The following PARP1 variants were observed in gnomAD, a reference collection of about 807,000 sequenced individuals.
PARP1 encodes poly(ADP-ribose) polymerase 1, also known as poly [ADP-ribose] polymerase 1.
PARP1 carries 44 observed loss-of-function variants against 118.7 expected under a neutral mutation model. The observed-to-expected ratio is 0.37, with a 90% confidence interval of 0.29 to 0.48. The LOEUF (loss-of-function observed/expected upper bound fraction) is 0.48, where lower values mean the gene tolerates loss of function less well. PARP1 is among the 20% of genes least tolerant of loss of function. PARP1 has a pLI of 0.99. For synonymous variants in PARP1, 492 were observed against 483.2 expected (o/e 1.02, Z -0.24); for missense variants, 1,100 against 1,272.4 (o/e 0.86, Z 2.06).
intron 12 of PARP1, 130 bp from the exon 13 acceptor site, chr1:226,377,433 C>G: frequency 1.4e-6 from 1 of 724,950 alleles, no homozygotes; most frequent in Non-Finnish European, 2.5e-6. Flanking sequence ...GTGATTAACA[C>G]AGAACAAACA....
intron 11 of PARP1, 88 bp downstream of exon 11, chr1:226,379,485 A>G (rs1401296473): frequency 5.0e-6 from 6 of 1,191,718 alleles, no homozygotes; most frequent in Admixed American, 3.5e-5. Flanking sequence ...TGCCCCAGGT[A>G]TGCTGCGGGC....
At position 226,361,444 on chromosome 1, in the gene PARP1, C is replaced by T. The variant is rs776434191; in HGVS notation, c.*16G>A. 28 of 1,581,076 alleles carry T rather than the reference C, an allele frequency of 1.8e-5. No individual in the cohort carries two copies. The highest frequency in any genetic ancestry group is 1.5e-4 in the Admixed American group (9 of 59,926). On this transcript the variant is annotated 3_prime_UTR_variant, in exon 23 of 23. Coordinates refer to ENST00000366794, the MANE Select transcript of PARP1 (RefSeq NM_001618.4). ...CATACCAGAGCCACCGGGTGTGACT[C>T]GGCTACCTCTCCCAATTACCACAGG...
At chr1:226,397,898 C>G (rs1479837141) in intron 2 of PARP1, among the ~76,000 whole-genome samples, 1 of 139,718 alleles carries the variant, frequency 7.2e-6, no homozygotes. Flanking sequence ...AAAGTAAAGG[C>G]AAAAATGGAG....
At chr1:226,370,159 C>T (rs1449918788) in intron 15 of PARP1, among the ~76,000 whole-genome samples, 1 of 152,100 alleles carries the variant, frequency 6.6e-6, no homozygotes, top group Non-Finnish European at 1.5e-5. Context: ...TCACTTTTAA[C>T]AGAGAGGGTA....
chr1:226,380,068 G>A lies in PARP1; in HGVS notation c.1397C>T (p.Thr466Ile), dbSNP rs1212085448. ...TAAGAACAACTCCTGAAGGCTCTTG[G>A]TGGAGGCGGAGACGTCCTGGAGGAA... is the stretch of plus-strand genomic sequence containing the variant. Reference protein sequence around the residue: ...EDFLQDVSASTKSLQELFLAH... With the variant: ...EDFLQDVSASIKSLQELFLAH... Residue 466 changes from threonine (T) to isoleucine (I), a missense_variant, in exon 10 of 23, where the codon ACC (threonine) becomes ATC (isoleucine). Physicochemically the swap from Thr to Ile is moderately conservative, Grantham distance 89. This residue lies in a region of PARP1 where 948 missense variants were observed against 1,031.8 expected (regional missense o/e 0.92). Transcript: ENST00000366794. The A allele has an allele frequency of 6.2e-7, 1 of 1,614,226 alleles. No individual in the cohort carries two copies. Among genetic ancestry groups the A allele is most frequent in the Admixed American group, 1.7e-5 (1 of 60,032 alleles).
At chr1:226,390,361 T>TTGAACCCCTCACTGAACCCC in intron 4 of PARP1, 49 bp downstream of exon 4, 1 of 1,548,792 alleles carries the variant, frequency 6.5e-7, no homozygotes. Flanking sequence ...TGGGCCTCCC[T>TTGAACCCCTCACTGAACCCC]TGAACCCCTC....
At chr1:226,387,254 A>G (rs1252163937) in intron 5 of PARP1, among the ~76,000 whole-genome samples, 1 of 152,176 alleles carries the variant, frequency 6.6e-6, no homozygotes, top group Non-Finnish European at 1.5e-5. Context: ...AAGTGCTGGG[A>G]TTACAGGTGC....
intron 14 of PARP1, among the ~76,000 whole-genome samples, chr1:226,373,357 T>C (rs1664427811): frequency 6.6e-6 from 1 of 152,242 alleles, no homozygotes; most frequent in South Asian, 2.1e-4. Flanking sequence ...TGCTTGTTTT[T>C]CAGAGCAGCC....
At chr1:226,371,000 G>C (rs1664372166) in intron 14 of PARP1, 1 of 201,186 alleles carries the variant, frequency 5.0e-6, no homozygotes, top group Admixed American at 5.2e-5. Flanking sequence ...ACACACTCCT[G>C]AACTTATGGA....
chr1:226,402,570 G>A (rs752454674), intron 1 of PARP1, among the ~76,000 whole-genome samples, 191 bp from the exon 2 acceptor site: 3 of 152,196 alleles, frequency 2.0e-5, no homozygotes, highest in Admixed American at 6.5e-5. Context: ...TCCTTCTCAC[G>A]ATCTTCCCCA....
intron 2 of PARP1, among the ~76,000 whole-genome samples, chr1:226,401,028 A>G: frequency 6.6e-6 from 1 of 152,288 alleles, no homozygotes; most frequent in South Asian, 2.1e-4. Flanking sequence ...CTCTCCTAAT[A>G]AAGCTTTTAA....
intron 13 of PARP1, among the ~76,000 whole-genome samples, chr1:226,375,566 GTAGGTGCAAAATATACACCAGA>G (rs1664472097): frequency 1.3e-5 from 2 of 152,156 alleles, no homozygotes; most frequent in Non-Finnish European, 2.9e-5. Flanking sequence ...GAGGTGTGCT[GTAGGTGCAAAATATACACCAGA>G]TTTCAAAGAC....
intron 22 of PARP1, 110 bp downstream of exon 22, chr1:226,361,859 C>T (rs1282913294): frequency 5.3e-6 from 4 of 748,250 alleles, no homozygotes; most frequent in East Asian, 2.7e-5. Context: ...GGACACACTA[C>T]AGGACAGCCT....
intron 13 of PARP1, 27 bp from the exon 14 acceptor site, chr1:226,374,381 A>C: frequency 6.2e-7 from 1 of 1,614,176 alleles, no homozygotes; most frequent in Non-Finnish European, 8.5e-7. Flanking sequence ...CATTGCTAAG[A>C]GACCCAAATC....
At chr1:226,366,142 A>C in intron 17 of PARP1, 90 bp from the exon 18 acceptor site, 1 of 847,376 alleles carries the variant, frequency 1.2e-6, no homozygotes, top group Non-Finnish European at 2.0e-6. Context: ...GCATAGCTCA[A>C]CACCACACTC....
At chr1:226,372,849 C>T (rs1664414192) in intron 14 of PARP1, among the ~76,000 whole-genome samples, 1 of 152,148 alleles carries the variant, frequency 6.6e-6, no homozygotes. Flanking sequence ...CCCCTCTTCT[C>T]CCTTACCGTA....
chr1:226,401,276 C>A (rs2793380), intron 2 of PARP1, among the ~76,000 whole-genome samples: 19 of 152,092 alleles, frequency 1.2e-4, no homozygotes, highest in African/African-American at 4.3e-4. Context: ...AGAGCGAGCT[C>A]GTGGTAGAAG....
chr1:226,405,199 C>A (rs141623438), intron 1 of PARP1, among the ~76,000 whole-genome samples: 79 of 152,338 alleles, frequency 5.2e-4, no homozygotes, highest in Admixed American at 1.3e-3. Flanking sequence ...TGAATCCACC[C>A]TTAATCACCA....
chr1:226,390,639 A>G lies in PARP1; in HGVS notation c.403-15T>C, dbSNP rs558979045. ...CGCACCTGGCCCTGCAGGAAAAACC[A>G]TATGTGGTACCAAGGGAGCGACAAG... On this transcript the variant is annotated splice_polypyrimidine_tract_variant and intron_variant, in intron 3 of 22. Coordinates refer to ENST00000366794, the MANE Select transcript of PARP1 (RefSeq NM_001618.4). 86 of 1,611,546 alleles carry G rather than the reference A, an allele frequency of 5.3e-5. No homozygotes were observed. In the Middle Eastern group the frequency reaches 9.9e-4, roughly 19 times the overall value.
Sources: gnomAD v4.1 joint callset for allele counts (sites outside exome capture counted in the v4.1 genomes callset) on GRCh38, gnomAD v4.1.1 for gene constraint, gnomAD v4.1.1 regional missense constraint, MANE v1.5 for transcripts, NCBI Gene and HGNC (gene_info 2026-07-23, HGNC 2026-07-21) for gene names.